DRC11: variants seen among roughly 807,000 people sequenced by gnomAD.
DRC11 encodes IQ and AAA domain-containing protein 1.
At chr2:236,357,272 C>CATATATTATATATTT in the DRC11 span, among the ~76,000 whole-genome samples, 1 of 36,566 alleles carries the variant, frequency 2.7e-5, no homozygotes, top group Non-Finnish European at 5.0e-5. Context: ...TATAAATATA[C>CATATATTATATATTT]ATATATTATA....
At chr2:236,437,403 C>A in the DRC11 span, among the ~76,000 whole-genome samples, 1 of 150,840 alleles carries the variant, frequency 6.6e-6, no homozygotes, top group Non-Finnish European at 1.5e-5. Flanking sequence ...AATAAACATA[C>A]GTGTGCATGT....
At chr2:236,497,255 G>A in the DRC11 span, 27 of 1,613,534 alleles carry the variant, frequency 1.7e-5, no homozygotes, top group African/African-American at 2.0e-4. The surrounding 1 kb of genome is among the most constrained non-coding windows in gnomAD (Gnocchi z 5.1). Context: ...TCCAGGATGC[G>A]GCCCATCACC....
chr2:236,357,319 TATATATATTC>T, the DRC11 span, among the ~76,000 whole-genome samples: 2 of 114,100 alleles, frequency 1.8e-5, no homozygotes, highest in South Asian at 5.0e-4. Context: ...ATCTATATAT[TATATATATTC>T]ATATATGAAT....
chr2:236,428,615 T>A, the DRC11 span, among the ~76,000 whole-genome samples: 1 of 152,218 alleles, frequency 6.6e-6, no homozygotes, highest in Non-Finnish European at 1.5e-5. Flanking sequence ...ACCTTCATTC[T>A]ATATGTGTCC....
chr2:236,313,331 A>G, the DRC11 span, among the ~76,000 whole-genome samples: 1 of 152,234 alleles, frequency 6.6e-6, no homozygotes, highest in East Asian at 1.9e-4. This position sits in a 1 kb window ranked among gnomAD's most constrained non-coding sequence, Gnocchi z 4.5. Flanking sequence ...TGTACTTGAA[A>G]ATGCAACACT....
At chr2:236,462,440 G>C in the DRC11 span, among the ~76,000 whole-genome samples, 3 of 152,194 alleles carry the variant, frequency 2.0e-5, no homozygotes, top group African/African-American at 7.2e-5. This position sits in a 1 kb window ranked among gnomAD's most constrained non-coding sequence, Gnocchi z 6.4. Flanking sequence ...GGGAGGTCGA[G>C]GCGGGTGGAT....
the DRC11 span, among the ~76,000 whole-genome samples, chr2:236,347,205 C>G: frequency 6.6e-6 from 1 of 152,260 alleles, no homozygotes; most frequent in African/African-American, 2.4e-5. Flanking sequence ...TTTGTGAGCA[C>G]TTTATTTTGG....
chr2:236,357,129 C>T, the DRC11 span, among the ~76,000 whole-genome samples: 11 of 97,132 alleles, frequency 1.1e-4, no homozygotes, highest in East Asian at 5.0e-4. Context: ...ATTATATATT[C>T]GTATATTATA....
chr2:236,351,558 G>A, the DRC11 span, among the ~76,000 whole-genome samples: 2 of 152,222 alleles, frequency 1.3e-5, no homozygotes, highest in African/African-American at 2.4e-5. This position sits in a 1 kb window ranked among gnomAD's most constrained non-coding sequence, Gnocchi z 7.3. Context: ...GGCTGTGGAA[G>A]TCCTGGAAAG....
At chr2:236,368,956 A>C in the DRC11 span, 7 of 152,382 alleles carry the variant, frequency 4.6e-5, no homozygotes, top group South Asian at 1.4e-3. Flanking sequence ...ATAAATCTGA[A>C]GTGTTATTTT....
At chr2:236,377,948 GT>G in the DRC11 span, among the ~76,000 whole-genome samples, 14 of 152,198 alleles carry the variant, frequency 9.2e-5, no homozygotes, top group African/African-American at 3.4e-4. The surrounding 1 kb of genome is among the most constrained non-coding windows in gnomAD (Gnocchi z 4.9). Context: ...CCTTCGAGAT[GT>G]TTTGTCTTTT....
chr2:236,441,657 T>C, the DRC11 span, among the ~76,000 whole-genome samples: 2 of 152,204 alleles, frequency 1.3e-5, no homozygotes, highest in African/African-American at 2.4e-5. Flanking sequence ...TGAAATTTAA[T>C]GTTGAGAATT....
chr2:236,341,796 C>T, the DRC11 span, among the ~76,000 whole-genome samples: 59,133 of 152,056 alleles, frequency 0.39, 12,081 homozygotes, highest in African/African-American at 0.5. Flanking sequence ...TTTCTGAATC[C>T]CAGCATGACC....
At chr2:236,422,850 A>C in the DRC11 span, among the ~76,000 whole-genome samples, 2 of 151,486 alleles carry the variant, frequency 1.3e-5, no homozygotes, top group African/African-American at 4.8e-5. Flanking sequence ...GTACCAAAAC[A>C]GAGATATAGA....
chr2:236,395,232 A>G, the DRC11 span, among the ~76,000 whole-genome samples: 1 of 152,288 alleles, frequency 6.6e-6, no homozygotes, highest in East Asian at 1.9e-4. Flanking sequence ...TGGCCAGCCC[A>G]AAACAGGTGT....
At chr2:236,481,800 T>C in the DRC11 span, among the ~76,000 whole-genome samples, 2 of 151,788 alleles carry the variant, frequency 1.3e-5, no homozygotes, top group African/African-American at 4.8e-5. Flanking sequence ...TTAGTTGAAG[T>C]ATTTACACTT....
chr2:236,409,174 C>G, the DRC11 span: 1 of 266,060 alleles, frequency 3.8e-6, no homozygotes, highest in East Asian at 9.8e-5. Flanking sequence ...TGGTGCAATA[C>G]TAGCTCACTG....
chr2:236,337,748 C>T, the DRC11 span, among the ~76,000 whole-genome samples: 21 of 151,806 alleles, frequency 1.4e-4, no homozygotes, highest in Admixed American at 3.9e-4. The surrounding 1 kb of genome is among the most constrained non-coding windows in gnomAD (Gnocchi z 4.9). Context: ...AAAGTAAGCT[C>T]TCGTTGTATT....
the DRC11 span, among the ~76,000 whole-genome samples, chr2:236,358,140 TATAA>T: frequency 0.16 from 19,440 of 122,796 alleles, 1,725 homozygotes; most frequent in Admixed American, 0.2. Flanking sequence ...ATTTATAATA[TATAA>T]ATAGATATAT....
Sources: allele counts gnomAD v4.1 joint callset (sites outside exome capture counted in the v4.1 genomes callset), GRCh38; gene constraint gnomAD v4.1.1; non-coding constraint Gnocchi (gnomAD v3.1); transcripts MANE v1.5; gene names NCBI Gene and HGNC (gene_info 2026-07-23, HGNC 2026-07-21).